ZPBP: variants seen among roughly 807,000 people sequenced by gnomAD.
ZPBP encodes zona pellucida-binding protein 1.
Under a neutral mutation model 44.8 loss-of-function variants are expected in ZPBP, and 26 were observed. The ratio of observed to expected loss-of-function variants is 0.58; its 90% CI spans 0.43 to 0.81. The LOEUF is 0.81. ZPBP is among the 30% of genes least tolerant of loss of function. The pLI, the probability that ZPBP is intolerant of heterozygous loss-of-function variation, is 0.00. For missense variants in ZPBP, 409 were observed against 434.0 expected, an observed-to-expected ratio of 0.94 and a Z score of 0.51; for synonymous variants, 174 against 153.2, an observed-to-expected ratio of 1.14 and a Z score of -1.00.
chr7:49,924,743 C>G (rs1215390385), intron 1 of ZPBP, among the ~76,000 whole-genome samples: 1 of 152,086 alleles, frequency 6.6e-6, no homozygotes, highest in African/African-American at 2.4e-5. Flanking sequence ...CTCCCTCTTA[C>G]TAGTAAAAAC....
chr7:50,072,078 T>A (rs1467536082), intron 3 of ZPBP, among the ~76,000 whole-genome samples: 2 of 152,214 alleles, frequency 1.3e-5, no homozygotes, highest in African/African-American at 4.8e-5. Context: ...TCTCAGGATC[T>A]CCAGTGAACA....
the ZPBP span, among the ~76,000 whole-genome samples, chr7:49,844,914 C>T: frequency 6.6e-6 from 1 of 152,066 alleles, no homozygotes; most frequent in African/African-American, 2.4e-5. Flanking sequence ...AACTCCTGAC[C>T]CCAGGTGATC....
intron 3 of ZPBP, among the ~76,000 whole-genome samples, chr7:50,078,061 A>C (rs1052805704): frequency 1.3e-5 from 2 of 151,832 alleles, no homozygotes; most frequent in African/African-American, 4.8e-5. Flanking sequence ...GTTCAGCCAT[A>C]AAAAGGAATG....
intron 4 of ZPBP, among the ~76,000 whole-genome samples, chr7:50,040,945 G>A (rs1317479743): frequency 6.6e-6 from 1 of 152,298 alleles, no homozygotes; most frequent in African/African-American, 2.4e-5. Flanking sequence ...GTCTGAGGTC[G>A]ACCTGGGATG....
chr7:50,038,333 G>A (rs1471776617), intron 4 of ZPBP, among the ~76,000 whole-genome samples: 1 of 152,208 alleles, frequency 6.6e-6, no homozygotes, highest in Non-Finnish European at 1.5e-5. Flanking sequence ...CAGATTCATA[G>A]ATTCACTGGC....
chr7:49,929,949 T>G (rs1373374372), intron 1 of ZPBP, among the ~76,000 whole-genome samples: 1 of 152,232 alleles, frequency 6.6e-6, no homozygotes, highest in Admixed American at 6.5e-5. Flanking sequence ...TTTTAAATTA[T>G]TTTTTCTATT....
chr7:49,866,681 T>C (rs1339506950), intron 2 of ZPBP, among the ~76,000 whole-genome samples: 1 of 152,202 alleles, frequency 6.6e-6, no homozygotes, highest in African/African-American at 2.4e-5. Flanking sequence ...ATTTGCAGGA[T>C]TGTGGTGCAT....
At chr7:49,926,631 C>T (rs915235553) in intron 1 of ZPBP, among the ~76,000 whole-genome samples, 2 of 152,334 alleles carry the variant, frequency 1.3e-5, no homozygotes, top group Non-Finnish European at 1.5e-5. Context: ...ATCCCACTGC[C>T]TGTATTCTCA....
chr7:50,029,044 A>C (rs1295990019), intron 5 of ZPBP, among the ~76,000 whole-genome samples: 2 of 152,190 alleles, frequency 1.3e-5, no homozygotes, highest in East Asian at 1.9e-4. Flanking sequence ...GTTGAAAAGG[A>C]AGAACAAAAT....
At chr7:49,947,418 G>A (rs773729340) in intron 7 of ZPBP, among the ~76,000 whole-genome samples, 6 of 152,148 alleles carry the variant, frequency 3.9e-5, no homozygotes, top group Non-Finnish European at 7.4e-5. Flanking sequence ...TCTGCATTAG[G>A]GGGCTCTCCA....
At chr7:49,888,911 C>CA (rs925441856) in intron 2 of ZPBP, among the ~76,000 whole-genome samples, 5 of 149,714 alleles carry the variant, frequency 3.3e-5, no homozygotes, top group African/African-American at 7.4e-5. Flanking sequence ...GACTTCATCT[C>CA]AAAAAAAACA....
At chr7:50,060,863 A>G (rs1801203943) in intron 3 of ZPBP, among the ~76,000 whole-genome samples, 1 of 152,220 alleles carries the variant, frequency 6.6e-6, no homozygotes, top group Admixed American at 6.5e-5. Flanking sequence ...AAATGAAAAA[A>G]GAAATTTTAG....
chr7:50,002,272 T>A (rs1326395683), intron 6 of ZPBP, among the ~76,000 whole-genome samples: 1 of 152,104 alleles, frequency 6.6e-6, no homozygotes, highest in African/African-American at 2.4e-5. Context: ...TCATGAGGCT[T>A]ATTCACTACC....
rs753349741 is a variant in ZPBP at position 50,081,786 on chromosome 7, T to C, written c.322A>G (p.Lys108Glu). The C allele has an allele frequency of 1.2e-6, 2 of 1,611,208 alleles. No homozygotes were observed. The highest frequency in any genetic ancestry group is 1.7e-6 in the Non-Finnish European group (2 of 1,178,074). ...PSFQWYGPKG[K>E]VVSVENRTAQ... ...AACAAAATCCTACCTGAAACAACTT[T>C]TCCTTTAGGCCCATACCATTGGAAT... The change falls in exon 3 of 8, where the codon AAA becomes GAA. Residue 108 changes from lysine (K) to glutamate (E), a missense_variant. Lys to Glu is a moderately conservative substitution (Grantham distance 56). Transcript: ENST00000046087.
intron 3 of ZPBP, among the ~76,000 whole-genome samples, chr7:50,065,472 T>G (rs77975225): frequency 1.3e-5 from 2 of 150,988 alleles, no homozygotes; most frequent in African/African-American, 4.9e-5. Flanking sequence ...CTTGGGCAGG[T>G]TGTTTTTCCT....
intron 7 of ZPBP, among the ~76,000 whole-genome samples, chr7:49,954,470 T>C (rs1380860490): frequency 1.3e-5 from 2 of 152,146 alleles, no homozygotes; most frequent in African/African-American, 4.8e-5. Context: ...TAAGATTTTG[T>C]CCATCAAAGT....
intron 1 of ZPBP, chr7:49,915,626 C>T (rs1009508151): frequency 5.9e-5 from 9 of 152,044 alleles, no homozygotes; most frequent in African/African-American, 2.2e-4. Flanking sequence ...CTGTTTCAAA[C>T]AAGCATTGTT....
At chr7:50,013,523 A>T (rs186635201) in intron 6 of ZPBP, among the ~76,000 whole-genome samples, 1 of 152,196 alleles carries the variant, frequency 6.6e-6, no homozygotes. Flanking sequence ...AGGTAATAAT[A>T]GTCTATTTTG....
chr7:50,001,971 C>T lies in ZPBP; in HGVS notation c.783+16269G>A, dbSNP rs150846593. ...TCAGGCTGCAATGCAGTGGCGCAAC[C>T]GAGGCAGCCTCCTAAATAGCTGGGA... is the stretch of plus-strand genomic sequence containing the variant. On this transcript the variant is annotated intron_variant, in intron 6 of 7. Coordinates refer to ENST00000046087, the MANE Select transcript of ZPBP (RefSeq NM_007009.3). 1.9e-3 allele frequency among the ~76,000 whole-genome samples: 287 copies of T among 152,164 alleles called. 2 individuals are homozygous for T. The highest frequency in any genetic ancestry group is 5.9e-3 in the African/African-American group (244 of 41,524).
Sources: gnomAD v4.1 joint callset for allele counts (sites outside exome capture counted in the v4.1 genomes callset) on GRCh38, gnomAD v4.1.1 for gene constraint, MANE v1.5 for transcripts, NCBI Gene and HGNC (gene_info 2026-07-23, HGNC 2026-07-21) for gene names.